The following PMFBP1 variants were observed in gnomAD, a reference collection of about 807,000 sequenced individuals.
PMFBP1 encodes the protein polyamine modulated factor 1 binding protein 1.
Under a neutral mutation model 137.8 loss-of-function variants are expected in PMFBP1, and 131 were observed. That is an observed-to-expected ratio of 0.95 (90% CI 0.82 to 1.10). The LOEUF is 1.10. Ranked by LOEUF, PMFBP1 falls within the 50% of genes least tolerant of loss-of-function variation. The pLI is 0.00. For missense variants in PMFBP1, 1,199 were observed against 1,175.4 expected (o/e 1.02, Z -0.29); for synonymous variants, 490 against 450.4 (o/e 1.09, Z -1.11).
At chr16:72,239,011 C>CA in the PMFBP1 span, among the ~76,000 whole-genome samples, 76 of 150,642 alleles carry the variant, frequency 5.0e-4, no homozygotes, top group African/African-American at 1.6e-3. Context: ...AAAATATACC[C>CA]AAAAAAACAA....
At chr16:72,180,845 C>T (rs376695374), upstream of PMFBP1, among the ~76,000 whole-genome samples, 180 of 152,266 alleles carry the variant, frequency 1.2e-3, no homozygotes, top group Non-Finnish European at 1.4e-3. Context: ...CCCGTGGTCC[C>T]GGTAACCAGG....
the PMFBP1 span, among the ~76,000 whole-genome samples, chr16:72,244,293 G>GA: frequency 1.3e-5 from 2 of 151,634 alleles, no homozygotes; most frequent in Admixed American, 6.6e-5. Context: ...ACACAGACAA[G>GA]AAAAAAAAGA....
the PMFBP1 span, among the ~76,000 whole-genome samples, chr16:72,198,947 G>A: frequency 6.4e-4 from 97 of 152,186 alleles, no homozygotes; most frequent in Non-Finnish European, 9.7e-4. Flanking sequence ...ACAGTCTCAA[G>A]TTAGCAGCGT....
At chr16:72,244,699 G>A in the PMFBP1 span, among the ~76,000 whole-genome samples, 2 of 152,184 alleles carry the variant, frequency 1.3e-5, no homozygotes, top group Non-Finnish European at 2.9e-5. Context: ...TACTGGTATG[G>A]GGACCAACAG....
At chr16:72,190,677 G>A in the PMFBP1 span, among the ~76,000 whole-genome samples, 2 of 152,122 alleles carry the variant, frequency 1.3e-5, no homozygotes, top group African/African-American at 4.8e-5. Flanking sequence ...AGGGGTGAGA[G>A]AGAGGTGGGG....
chr16:72,166,957 T>A (rs1448925951), intron 2 of PMFBP1, among the ~76,000 whole-genome samples: 1 of 152,096 alleles, frequency 6.6e-6, no homozygotes. Flanking sequence ...GTGCCCAAGG[T>A]CTCACATCTG....
the PMFBP1 span, among the ~76,000 whole-genome samples, chr16:72,204,451 C>A: frequency 6.6e-6 from 1 of 152,166 alleles, no homozygotes; most frequent in Admixed American, 6.5e-5. Flanking sequence ...AATCTGCCTG[C>A]GTTGGCCTCC....
the PMFBP1 span, among the ~76,000 whole-genome samples, chr16:72,191,976 A>G: frequency 6.6e-6 from 1 of 152,244 alleles, no homozygotes; most frequent in Non-Finnish European, 1.5e-5. Context: ...GCATATACAT[A>G]AGCTATGAAG....
At chr16:72,209,163 G>A in the PMFBP1 span, among the ~76,000 whole-genome samples, 16 of 152,234 alleles carry the variant, frequency 1.1e-4, no homozygotes, top group African/African-American at 2.4e-4. Context: ...AAAGAAGAGC[G>A]TACAAATAGC....
chr16:72,123,509 C>T (rs2042407656), intron 18 of PMFBP1, 37 bp downstream of exon 18: 2 of 1,594,768 alleles, frequency 1.3e-6, no homozygotes, highest in Admixed American at 3.3e-5. Context: ...TCAGTCCAGG[C>T]CTCGGACCCT....
chr16:72,139,800 A>T (rs2042688777), intron 6 of PMFBP1, among the ~76,000 whole-genome samples: 1 of 152,176 alleles, frequency 6.6e-6, no homozygotes, highest in South Asian at 2.1e-4. Flanking sequence ...TTTTTTTTGA[A>T]AAATAAAAAA....
the PMFBP1 span, among the ~76,000 whole-genome samples, chr16:72,205,823 C>A: frequency 6.6e-6 from 1 of 152,126 alleles, no homozygotes; most frequent in Non-Finnish European, 1.5e-5. Context: ...CTGCCCATCA[C>A]CCTTGATGCC....
the PMFBP1 span, among the ~76,000 whole-genome samples, chr16:72,226,081 T>C: frequency 1.3e-5 from 2 of 152,034 alleles, no homozygotes; most frequent in Non-Finnish European, 2.9e-5. Context: ...AACATGGTCA[T>C]CCCCAGCTGA....
intron 3 of PMFBP1, among the ~76,000 whole-genome samples, chr16:72,160,270 G>A (rs1290365442): frequency 2.0e-5 from 3 of 152,166 alleles, no homozygotes; most frequent in Non-Finnish European, 4.4e-5. Context: ...TATTTTCCTT[G>A]TATTGAAGTT....
chr16:72,234,303 A>G, the PMFBP1 span, among the ~76,000 whole-genome samples: 3 of 152,162 alleles, frequency 2.0e-5, no homozygotes, highest in African/African-American at 7.2e-5. Flanking sequence ...CAGTGCACAA[A>G]CTATCTGGGA....
At chr16:72,153,053 A>C (rs1035788240) in intron 4 of PMFBP1, among the ~76,000 whole-genome samples, 2 of 152,048 alleles carry the variant, frequency 1.3e-5, no homozygotes, top group Admixed American at 1.3e-4. Context: ...TAGCTTATTT[A>C]TTTTCTGTTA....
chr16:72,164,691 A>C (rs139045360), intron 3 of PMFBP1, 73 bp downstream of exon 3: 3 of 1,510,488 alleles, frequency 2.0e-6, no homozygotes, highest in Non-Finnish European at 2.7e-6. Context: ...AGAACTTTCT[A>C]TTATTCCCGC....
At chr16:72,173,352 A>G (rs2043238344), upstream of PMFBP1, among the ~76,000 whole-genome samples, 1 of 152,252 alleles carries the variant, frequency 6.6e-6, no homozygotes, top group African/African-American at 2.4e-5. Flanking sequence ...CTGGATAGTC[A>G]GGAGATGATT....
the PMFBP1 span, among the ~76,000 whole-genome samples, chr16:72,189,240 T>G: frequency 6.6e-6 from 1 of 152,304 alleles, no homozygotes; most frequent in Admixed American, 6.5e-5. Context: ...TTCCCAAGGC[T>G]ACACAGCTCA....
Sources: allele counts gnomAD v4.1 joint callset (sites outside exome capture counted in the v4.1 genomes callset), GRCh38; gene constraint gnomAD v4.1.1; transcripts MANE v1.5; gene names NCBI Gene and HGNC (gene_info 2026-07-23, HGNC 2026-07-21).